Variants in ZNF124 observed in about 807,000 individuals in gnomAD.
The protein encoded by ZNF124 is zinc finger protein HZF-16.
In ZNF124, 25 loss-of-function variants were observed where a neutral mutation model predicts 26.6. That is an observed-to-expected ratio of 0.94 (90% CI 0.68 to 1.31). The LOEUF (loss-of-function observed/expected upper bound fraction) is 1.31, where lower values mean the gene tolerates loss of function less well. ZNF124 is among the 40% of genes most tolerant of loss of function. The pLI is 0.00. For synonymous variants in ZNF124, 129 were observed against 133.3 expected, an observed-to-expected ratio of 0.97 and a Z score of 0.22; for missense variants, 444 against 422.2, an observed-to-expected ratio of 1.05 and a Z score of -0.45.
At chr1:247,137,560 A>G (rs12076273) in intron 3 of ZNF124, among the ~76,000 whole-genome samples, 45,801 of 150,036 alleles carry the variant, frequency 0.31, 7,973 homozygotes, top group African/African-American at 0.47. Flanking sequence ...GGGCAACTTC[A>G]TGGCAAAAAT....
At chr1:247,160,165 T>C (rs1269845415) in intron 1 of ZNF124, among the ~76,000 whole-genome samples, 1 of 152,086 alleles carries the variant, frequency 6.6e-6, no homozygotes, top group African/African-American at 2.4e-5. Flanking sequence ...TTTGTATTTT[T>C]AGTAGAGACA....
At chr1:247,139,981 T>A (rs970704653) in intron 3 of ZNF124, among the ~76,000 whole-genome samples, 2 of 152,202 alleles carry the variant, frequency 1.3e-5, no homozygotes, top group African/African-American at 4.8e-5. Context: ...GGGATGATTT[T>A]ATTGTGTAGA....
chr1:247,144,074 TC>T lies in ZNF124; in HGVS notation c.218+14931del, dbSNP rs374092077. 3.5e-3 allele frequency among the ~76,000 whole-genome samples: 528 copies of T among 152,278 alleles called. 2 individuals carry two copies. The highest frequency in any genetic ancestry group is 0.012 in the African/African-American group (502 of 41,566). On this transcript the variant is annotated intron_variant, in intron 3 of 3. Coordinates refer to the ZNF124 transcript ENST00000472531. ...ACCATCTGCTCCAATACTAACCCTG[TC>T]CTTTCCCAACATGATTTCCAGATTT... is the stretch of plus-strand genomic sequence containing the variant.
rs544246933 is a variant in ZNF124, at chr1:247,159,701, T to C, written c.143A>G (p.Asn48Ser). 2 of 1,611,948 alleles carry C rather than the reference T, an allele frequency of 1.2e-6. No individual in the cohort carries two copies. The highest frequency in any genetic ancestry group is 3.4e-5 in the Admixed American group (2 of 59,266). The change falls in exon 2 of 4, where the codon AAT (asparagine) becomes AGT (serine). Residue 48 changes from asparagine (N) to serine (S), a missense_variant. Coordinates refer to ENST00000543802, the MANE Select transcript of ZNF124 (RefSeq NM_001297568.2). ...GTGATTCTTACCTATGGAAGCCAGA[T>C]TCCTGAAGGTTTCCTGCATCACGTC... is the stretch of plus-strand genomic sequence containing the variant. ...YRDVMQETFR[N>S]LASIGNKGED...
At chr1:247,141,221 C>T (rs1672618958) in intron 3 of ZNF124, among the ~76,000 whole-genome samples, 1 of 152,106 alleles carries the variant, frequency 6.6e-6, no homozygotes, top group Non-Finnish European at 1.5e-5. Context: ...GGGTCAACTG[C>T]AGTTTGTTGT....
rs1673157752 is a variant in ZNF124, at chr1:247,156,749, T to G, written c.873A>C (p.Val291=). 4 of 1,613,050 alleles carry G rather than the reference T, an allele frequency of 2.5e-6. No individual in the cohort carries two copies. The East Asian group carries it at 8.9e-5, about 36-fold the overall frequency. ...TGAAGCCTTTACCACAATTGTTACA[T>G]ACATAGGGTTTCTGTGCAATATGAG... The part of the protein sequence containing the change: ...EKTHIAQKPY[V]CNNCGKGFRC... Residue 291 remains valine, a synonymous_variant, in exon 4 of 4, where the codon GTA becomes GTC. Coordinates refer to ENST00000543802, the MANE Select transcript of ZNF124 (RefSeq NM_001297568.2).
intron 1 of ZNF124, among the ~76,000 whole-genome samples, chr1:247,161,057 AAC>A (rs1673451314): frequency 6.6e-6 from 1 of 152,240 alleles, no homozygotes; most frequent in South Asian, 2.1e-4. Context: ...AGATGCCTGA[AAC>A]AGACTTTCTA....
chr1:247,163,323 A>AGAGAG (rs374751236), intron 1 of ZNF124, among the ~76,000 whole-genome samples: 16,159 of 149,208 alleles, frequency 0.11, 1,064 homozygotes, highest in African/African-American at 0.17. Context: ...AGAGAGAGAG[A>AGAGAG]AAAAAAAGCA....
intron 3 of ZNF124, among the ~76,000 whole-genome samples, chr1:247,136,740 A>C (rs1198114387): frequency 6.6e-6 from 1 of 152,094 alleles, no homozygotes; most frequent in African/African-American, 2.4e-5. Context: ...TGAGGTCAGG[A>C]GCTTGAGACC....
intron 3 of ZNF124, among the ~76,000 whole-genome samples, chr1:247,144,203 C>T (rs1307773612): frequency 1.3e-5 from 2 of 152,060 alleles, no homozygotes; most frequent in East Asian, 3.9e-4. Context: ...CTGCGGGTTT[C>T]GGGTAGCTAT....
At chr1:247,126,288 C>G (rs61852659) in intron 3 of ZNF124, among the ~76,000 whole-genome samples, 19,783 of 114,250 alleles carry the variant, frequency 0.17, 2,069 homozygotes, top group South Asian at 0.28. Context: ...CTCATTCAGA[C>G]ACGCGCGGGA....
At chr1:247,125,430 C>CTT (rs71566695) in intron 3 of ZNF124, among the ~76,000 whole-genome samples, 3,345 of 43,380 alleles carry the variant, frequency 0.077, 436 homozygotes, top group South Asian at 0.13. Flanking sequence ...CTGTTTTTGT[C>CTT]TTTTTTTTTT....
intron 3 of ZNF124, among the ~76,000 whole-genome samples, chr1:247,124,080 G>A (rs1389705065): frequency 2.6e-5 from 4 of 151,946 alleles, no homozygotes; most frequent in African/African-American, 4.8e-5. Flanking sequence ...CGCCCGCCTC[G>A]GCCTCCCAAA....
At chr1:247,127,875 T>TAA (rs1346757883) in intron 3 of ZNF124, among the ~76,000 whole-genome samples, 13 of 151,934 alleles carry the variant, frequency 8.6e-5, no homozygotes, top group African/African-American at 2.7e-4. Flanking sequence ...TAACTCGGTG[T>TAA]CTGAGGGGTT....
chr1:247,154,125 C>A (rs1385517944), downstream of ZNF124, among the ~76,000 whole-genome samples: 1 of 146,320 alleles, frequency 6.8e-6, no homozygotes, highest in Non-Finnish European at 1.5e-5. Context: ...GTGACACACA[C>A]ACACACACAG....
At position 247,168,367 on chromosome 1, in the gene ZNF124, A is replaced by C. The variant is rs189945606; in HGVS notation, c.30+3481T>G. 1.1e-3 allele frequency among the ~76,000 whole-genome samples: 171 copies of C among 152,160 alleles called. No homozygotes were observed. Among genetic ancestry groups the C allele is most frequent in the African/African-American group, 4.0e-3 (165 of 41,506 alleles). On this transcript the variant is annotated intron_variant, in intron 1 of 3. Transcript: ENST00000543802. This position sits in a 1 kb window ranked among gnomAD's most constrained non-coding sequence, Gnocchi z 4.0. ...AACATGGCAAAACCCTGTCTCTACT[A>C]AAAATACAAAAAAAATTTAGCTGGG...
At chr1:247,144,043 T>G (rs1052982277) in intron 3 of ZNF124, among the ~76,000 whole-genome samples, 1 of 152,194 alleles carries the variant, frequency 6.6e-6, no homozygotes. Context: ...CCACAGCATC[T>G]GCCCTACCAT....
At chr1:247,151,253 G>T (rs962280606), downstream of ZNF124, among the ~76,000 whole-genome samples, 6 of 152,138 alleles carry the variant, frequency 3.9e-5, no homozygotes, top group Non-Finnish European at 7.3e-5. Context: ...GTCGAGGCGG[G>T]CGGATCATGA....
intron 3 of ZNF124, chr1:247,123,973 C>T (rs1277549170): frequency 7.2e-6 from 5 of 692,622 alleles, no homozygotes; most frequent in Admixed American, 2.0e-5. Flanking sequence ...GGACTACAGG[C>T]ACCCGCCACC....
Sources: gnomAD v4.1 joint callset for allele counts (sites outside exome capture counted in the v4.1 genomes callset) on GRCh38, gnomAD v4.1.1 for gene constraint, Gnocchi (gnomAD v3.1) non-coding constraint, MANE v1.5 for transcripts, NCBI Gene and HGNC (gene_info 2026-07-23, HGNC 2026-07-21) for gene names.